RELCH: variants seen among roughly 807,000 people sequenced by gnomAD.
The protein encoded by RELCH is RAB11 binding and LisH domain, coiled-coil and HEAT repeat containing.
Under a neutral mutation model 150.3 loss-of-function variants are expected in RELCH, and 41 were observed. The observed-to-expected ratio is 0.27, with a 90% CI of 0.21 to 0.35. RELCH has a LOEUF of 0.35. Ranked by LOEUF, RELCH falls within the 10% of genes least tolerant of loss-of-function variation. The pLI, the probability that RELCH is intolerant of heterozygous loss-of-function variation, is 1.00. For missense variants in RELCH, 1,092 were observed against 1,467.8 expected, an observed-to-expected ratio of 0.74 and a Z score of 4.18; for synonymous variants, 478 against 531.8, an observed-to-expected ratio of 0.90 and a Z score of 1.39.
At chr18:62,198,559 T>A (rs1207057593) in intron 1 of RELCH, among the ~76,000 whole-genome samples, 1 of 152,214 alleles carries the variant, frequency 6.6e-6, no homozygotes, top group African/African-American at 2.4e-5. Flanking sequence ...TTTCTGTTAC[T>A]TCAAACCACC....
rs753310045 is a variant in RELCH, at chr18:62,187,505, G to A, written c.-1G>A. On this transcript the variant is annotated 5_prime_UTR_variant, in exon 1 of 29. Transcript: ENST00000644646. ...GGCGCCCACACTCCTGACAGGATAAGATGGCGGCGATGGCGCCTGGAGGTA... is the reference window on the plus strand; with the variant it reads ...GGCGCCCACACTCCTGACAGGATAAAATGGCGGCGATGGCGCCTGGAGGTA... 4 of 1,513,874 alleles carry A rather than the reference G, an allele frequency of 2.6e-6. No homozygotes were observed. The highest frequency in any genetic ancestry group is 3.5e-6 in the Non-Finnish European group (4 of 1,131,868). The allele number at this position is 1,513,874 out of a possible 1,614,324, so 93.8% of individuals were successfully genotyped here.
At chr18:62,291,758 C>T (rs2045149900) in intron 27 of RELCH, 127 bp downstream of exon 27, 2 of 620,724 alleles carry the variant, frequency 3.2e-6, no homozygotes, top group East Asian at 6.3e-5. Flanking sequence ...GTCATTTTAT[C>T]GATTTATTTA....
intron 27 of RELCH, among the ~76,000 whole-genome samples, chr18:62,295,441 T>A (rs1044441632): frequency 2.0e-5 from 3 of 152,026 alleles, no homozygotes; most frequent in Non-Finnish European, 4.4e-5. Flanking sequence ...TTTTTTCTGT[T>A]TTACTTATAT....
intron 20 of RELCH, 24 bp downstream of exon 20, chr18:62,268,972 T>G: frequency 1.6e-5 from 20 of 1,270,144 alleles, no homozygotes; most frequent in East Asian, 2.5e-5. Flanking sequence ...TCTTACTCTC[T>G]AGTAAAAGGC....
intron 2 of RELCH, among the ~76,000 whole-genome samples, chr18:62,213,321 CTT>C (rs933167935): frequency 2.7e-4 from 41 of 151,916 alleles, no homozygotes; most frequent in African/African-American, 9.9e-4. Context: ...CTTATTAAAA[CTT>C]ATATTTTAGA....
intron 27 of RELCH, among the ~76,000 whole-genome samples, chr18:62,292,396 CT>C (rs2045198894): frequency 6.6e-6 from 1 of 152,106 alleles, no homozygotes; most frequent in Non-Finnish European, 1.5e-5. Context: ...TTTCTTACTT[CT>C]CTAGTCAGTT....
At chr18:62,243,351 G>A (rs1178114364) in intron 10 of RELCH, among the ~76,000 whole-genome samples, 1 of 126,616 alleles carries the variant, frequency 7.9e-6, no homozygotes, top group African/African-American at 3.0e-5. Flanking sequence ...AAGCCTCTAG[G>A]GAAAACATAT....
intron 1 of RELCH, among the ~76,000 whole-genome samples, chr18:62,205,863 A>AT (rs138183424): frequency 0.06 from 9,112 of 152,042 alleles, 908 homozygotes; most frequent in African/African-American, 0.21. Flanking sequence ...TGTCTCCATA[A>AT]TTTTTTTAAA....
chr18:62,253,436 C>T (rs1176612254), intron 12 of RELCH, among the ~76,000 whole-genome samples: 1 of 152,006 alleles, frequency 6.6e-6, no homozygotes, highest in Non-Finnish European at 1.5e-5. Context: ...TTTGCTTTTA[C>T]ATTGAATTTA....
rs375845024 is a variant in RELCH, at chr18:62,205,767, A to G, written c.527-5386A>G. 2.1e-4 allele frequency among the ~76,000 whole-genome samples: 32 copies of G among 152,338 alleles called. No homozygotes were observed. The South Asian group carries it at 3.5e-3, about 17-fold the overall frequency. On this transcript the variant is annotated intron_variant, in intron 1 of 28. Transcript: ENST00000644646. ...GGGCTGGGTGTGGTGGCTCTCGCCT[A>G]TAATCCCAGCACTTTGGGAGGCCAA...
intron 27 of RELCH, among the ~76,000 whole-genome samples, chr18:62,292,240 T>G (rs2045186417): frequency 6.6e-6 from 1 of 152,188 alleles, no homozygotes; most frequent in African/African-American, 2.4e-5. Context: ...ACTAATCCAT[T>G]GAAACTGCCA....
At position 62,221,282 on chromosome 18, in the gene RELCH, A is replaced by C. The variant is rs1477109141; in HGVS notation, c.744+8A>C. On this transcript the variant is annotated splice_region_variant and intron_variant, in intron 4 of 28. Transcript: ENST00000644646. ...TCAAGTCCTGAAATTCAGGTGGGTG[A>C]CAGAAGACAAATGTAAAATTAATCT... is the stretch of plus-strand genomic sequence containing the variant. The C allele has an allele frequency of 1.2e-6, 2 of 1,601,752 alleles. No individual in the cohort carries two copies. Among genetic ancestry groups the C allele is most frequent in the Non-Finnish European group, 1.7e-6 (2 of 1,169,188 alleles).
At chr18:62,282,275 A>T (rs561347951) in intron 24 of RELCH, 31 bp from the exon 25 acceptor site, 1 of 1,595,764 alleles carries the variant, frequency 6.3e-7, no homozygotes. Context: ...TCAATATTCT[A>T]TGAAATGACT....
intron 1 of RELCH, among the ~76,000 whole-genome samples, chr18:62,207,805 A>G (rs920806723): frequency 1.3e-5 from 2 of 152,202 alleles, no homozygotes; most frequent in African/African-American, 2.4e-5. Flanking sequence ...GAAACCCTGT[A>G]CCTATTACCA....
rs1479191061 is a variant in RELCH, at chr18:62,232,246, A to G, written c.1525-86A>G. On this transcript the variant is annotated intron_variant, in intron 9 of 28. Transcript: ENST00000644646. ...TGGAATGTGTGTTTAGGGCAGAGGT[A>G]TCAGGGCCTAAAGAATGAACTTTTC... 13 of 758,584 alleles carry G rather than the reference A, an allele frequency of 1.7e-5. No homozygotes were observed. In the East Asian group the frequency reaches 3.0e-4, roughly 18 times the overall value. 47.0% of individuals were successfully genotyped at this position (758,584 alleles called of 1,614,324 possible). A position where few individuals can be genotyped will look rare whatever the true frequency, so the allele number is the denominator to read the frequency against.
At chr18:62,204,363 T>A (rs944576629) in intron 1 of RELCH, among the ~76,000 whole-genome samples, 1 of 151,988 alleles carries the variant, frequency 6.6e-6, no homozygotes, top group Non-Finnish European at 1.5e-5. Flanking sequence ...TGAGACAGAG[T>A]CTCCCTCCGT....
chr18:62,270,109 C>T (rs1348817862), intron 20 of RELCH, among the ~76,000 whole-genome samples: 5 of 152,142 alleles, frequency 3.3e-5, no homozygotes, highest in Non-Finnish European at 5.9e-5. Context: ...GAAGAGGTCT[C>T]TACATAAGTC....
intron 10 of RELCH, chr18:62,235,028 A>C (rs1426055567): frequency 2.0e-5 from 3 of 151,936 alleles, no homozygotes; most frequent in Non-Finnish European, 1.5e-5. Context: ...ATGTTATAGA[A>C]GATATATATA....
At chr18:62,207,604 C>G (rs1249330825) in intron 1 of RELCH, among the ~76,000 whole-genome samples, 1 of 152,216 alleles carries the variant, frequency 6.6e-6, no homozygotes, top group Non-Finnish European at 1.5e-5. Flanking sequence ...TTCCCACCAG[C>G]TAGATGTAAG....
Sources: gnomAD v4.1 joint callset for allele counts (sites outside exome capture counted in the v4.1 genomes callset) on GRCh38, gnomAD v4.1.1 for gene constraint, MANE v1.5 for transcripts, NCBI Gene and HGNC (gene_info 2026-07-23, HGNC 2026-07-21) for gene names.